The following FSTL4 variants were observed in gnomAD, a reference collection of about 807,000 sequenced individuals.
FSTL4 encodes the protein follistatin like 4.
FSTL4 carries 28 observed loss-of-function variants against 78.2 expected under a neutral mutation model. The ratio of observed to expected loss-of-function variants is 0.36; its 90% CI spans 0.27 to 0.49. The LOEUF (loss-of-function observed/expected upper bound fraction) is 0.49. Among genes scored for constraint, FSTL4 ranks in the 20% least tolerant of loss-of-function variants. The pLI is 0.98. For missense variants in FSTL4, 922 were observed against 1,084.9 expected (o/e 0.85, Z 2.11); for synonymous variants, 422 against 440.5 (o/e 0.96, Z 0.53).
chr5:133,837,754 A>T, the FSTL4 span, among the ~76,000 whole-genome samples: 1 of 152,190 alleles, frequency 6.6e-6, no homozygotes, highest in South Asian at 2.1e-4. Context: ...AAAAGCTATG[A>T]TCAACATCTC....
At chr5:133,334,937 G>T (rs1194636566) in intron 4 of FSTL4, among the ~76,000 whole-genome samples, 2 of 152,176 alleles carry the variant, frequency 1.3e-5, no homozygotes, top group African/African-American at 2.4e-5. Context: ...CAAGGCCTAA[G>T]AGTCAGGGGA....
chr5:133,243,022 C>T (rs1429428183), intron 7 of FSTL4, among the ~76,000 whole-genome samples: 3 of 152,150 alleles, frequency 2.0e-5, no homozygotes. Flanking sequence ...TTTTTAATAA[C>T]TCCCTTCCAA....
chr5:133,285,595 G>A (rs1340448086), intron 6 of FSTL4, among the ~76,000 whole-genome samples: 2 of 152,194 alleles, frequency 1.3e-5, no homozygotes, highest in Non-Finnish European at 2.9e-5. Flanking sequence ...AAGGCCAAGG[G>A]CATGTCCTGC....
In FSTL4 at chr5:133,583,568, C is replaced by T. The variant is rs1244364093; in HGVS notation, c.127-16349G>A. ...CCTGGAAAATCGGGTCACTCCCACC[C>T]GAATATTGCGCTTTTCAGACCGGCT... is the stretch of plus-strand genomic sequence containing the variant. On this transcript the variant is annotated intron_variant, in intron 2 of 15. Transcript: ENST00000265342. 5 of 149,116 alleles carry T rather than the reference C, an allele frequency of 3.4e-5. 1 individual carries two copies. The highest frequency in any genetic ancestry group is 6.6e-5 in the African/African-American group (2 of 30,178). 9.2% of individuals were successfully genotyped at this position (149,116 alleles called of 1,614,324 possible). A position where few individuals can be genotyped will look rare whatever the true frequency, so the allele number is the denominator to read the frequency against.
the FSTL4 span, among the ~76,000 whole-genome samples, chr5:133,671,487 A>G: frequency 0.079 from 11,966 of 152,306 alleles, 546 homozygotes; most frequent in Admixed American, 0.12. Flanking sequence ...CTTGTTCCTC[A>G]GTGCCATAAA....
chr5:133,491,167 T>TAA (rs1311646484), intron 3 of FSTL4, among the ~76,000 whole-genome samples: 3 of 152,226 alleles, frequency 2.0e-5, no homozygotes, highest in Admixed American at 6.5e-5. Flanking sequence ...CATCATTTTA[T>TAA]AAAAATATGT....
At chr5:133,355,481 C>T (rs1005278930) in intron 4 of FSTL4, among the ~76,000 whole-genome samples, 1 of 152,058 alleles carries the variant, frequency 6.6e-6, no homozygotes, top group Non-Finnish European at 1.5e-5. Context: ...CATGGTGAAA[C>T]CCCATCTCTA....
At chr5:133,628,480 C>T in the FSTL4 span, among the ~76,000 whole-genome samples, 1 of 152,018 alleles carries the variant, frequency 6.6e-6, no homozygotes, top group African/African-American at 2.4e-5. Context: ...CTGCCTCAGC[C>T]TCCCGAGTAG....
At chr5:133,493,817 T>C (rs1481790212) in intron 3 of FSTL4, among the ~76,000 whole-genome samples, 1 of 152,182 alleles carries the variant, frequency 6.6e-6, no homozygotes. Flanking sequence ...AATATTTTAT[T>C]TTCTATATGT....
intron 11 of FSTL4, among the ~76,000 whole-genome samples, chr5:133,223,551 C>T (rs1309973921): frequency 1.3e-5 from 2 of 152,160 alleles, no homozygotes; most frequent in East Asian, 1.9e-4. Context: ...CCCGGGCATG[C>T]ACCTGCACCC....
chr5:133,316,088 T>A (rs556145227), intron 5 of FSTL4, among the ~76,000 whole-genome samples: 1 of 152,332 alleles, frequency 6.6e-6, no homozygotes, highest in South Asian at 2.1e-4. Context: ...AGCAGTGATG[T>A]CCTAAGGTAG....
At chr5:133,254,492 T>A (rs1442681065) in intron 6 of FSTL4, among the ~76,000 whole-genome samples, 2 of 152,186 alleles carry the variant, frequency 1.3e-5, no homozygotes, top group African/African-American at 4.8e-5. Flanking sequence ...ACTAGGTGTT[T>A]GGGCTGGGGT....
At chr5:133,380,681 A>G (rs1228118578) in intron 4 of FSTL4, among the ~76,000 whole-genome samples, 1 of 151,854 alleles carries the variant, frequency 6.6e-6, no homozygotes, top group Non-Finnish European at 1.5e-5. Flanking sequence ...TGTGACTTCA[A>G]TATCAACCTT....
intron 6 of FSTL4, 26 bp from the exon 7 acceptor site, chr5:133,249,602 G>T (rs1475464615): frequency 6.3e-7 from 1 of 1,593,364 alleles, no homozygotes; most frequent in Admixed American, 1.7e-5. Context: ...AGGAGGCACG[G>T]TCAGGTGCAG....
chr5:133,558,376 C>T (rs886786789), intron 3 of FSTL4, among the ~76,000 whole-genome samples: 4 of 152,138 alleles, frequency 2.6e-5, no homozygotes, highest in African/African-American at 9.7e-5. Context: ...GCTGGAGCCC[C>T]GAAGAACAGG....
chr5:133,828,735 C>A, the FSTL4 span, among the ~76,000 whole-genome samples: 10 of 152,338 alleles, frequency 6.6e-5, no homozygotes, highest in South Asian at 2.1e-3. Context: ...TAAGAATAAC[C>A]AAAAGTACAA....
chr5:133,567,529 C>G (rs1760054386), intron 2 of FSTL4, among the ~76,000 whole-genome samples: 1 of 152,190 alleles, frequency 6.6e-6, no homozygotes, highest in Admixed American at 6.5e-5. Flanking sequence ...AGACCCTCTT[C>G]CAGGTTGATG....
At chr5:133,693,506 G>A in the FSTL4 span, among the ~76,000 whole-genome samples, 15 of 152,100 alleles carry the variant, frequency 9.9e-5, no homozygotes, top group Admixed American at 3.3e-4. Flanking sequence ...GAGAAGAACT[G>A]GCGTGGATTA....
intron 13 of FSTL4, among the ~76,000 whole-genome samples, chr5:133,213,691 A>C (rs1259357261): frequency 6.6e-6 from 1 of 152,206 alleles, no homozygotes; most frequent in African/African-American, 2.4e-5. Context: ...GAAAGCAAAA[A>C]GGAGAAAAAA....
Sources: gnomAD v4.1 joint callset for allele counts (sites outside exome capture counted in the v4.1 genomes callset) on GRCh38, gnomAD v4.1.1 for gene constraint, MANE v1.5 for transcripts, NCBI Gene and HGNC (gene_info 2026-07-23, HGNC 2026-07-21) for gene names.